Variants in CCNK observed in about 807,000 individuals in gnomAD.
CCNK encodes cyclin-K.
A neutral mutation model predicts 65.0 loss-of-function variants in CCNK; 9 were observed. That is an observed-to-expected ratio of 0.14 (90% CI 0.08 to 0.24). The LOEUF (loss-of-function observed/expected upper bound fraction) is 0.24, where lower values mean the gene tolerates loss of function less well. CCNK is among the 10% of genes least tolerant of loss of function. CCNK has a pLI of 1.00. For missense variants in CCNK, 474 were observed against 720.0 expected, an observed-to-expected ratio of 0.66 and a Z score of 3.91; for synonymous variants, 279 against 270.8, an observed-to-expected ratio of 1.03 and a Z score of -0.30.
intron 1 of CCNK, among the ~76,000 whole-genome samples, chr14:99,482,948 T>C (rs1443253104): frequency 1.3e-5 from 2 of 152,232 alleles, no homozygotes; most frequent in African/African-American, 4.8e-5. Context: ...GGAATTAAAT[T>C]CAAGGTAATT....
At chr14:99,482,186 G>A (rs1045743255) in intron 1 of CCNK, among the ~76,000 whole-genome samples, 3 of 152,228 alleles carry the variant, frequency 2.0e-5, no homozygotes, top group African/African-American at 7.2e-5. Flanking sequence ...CTTTCGCTAA[G>A]TCATCTGAGG....
chr14:99,493,756 T>A (rs1046324403), intron 3 of CCNK, among the ~76,000 whole-genome samples, 161 bp downstream of exon 3: 1 of 152,248 alleles, frequency 6.6e-6, no homozygotes, highest in African/African-American at 2.4e-5. Context: ...GAACTTTTTT[T>A]ATTCCAATTA....
intron 1 of CCNK, among the ~76,000 whole-genome samples, chr14:99,483,150 C>G (rs575161466): frequency 6.6e-6 from 1 of 152,148 alleles, no homozygotes; most frequent in South Asian, 2.1e-4. Context: ...CTACTAGGAA[C>G]CTATTAATAA....
At position 99,503,237 on chromosome 14, in the gene CCNK, T is replaced by C. The variant is rs1896884800; in HGVS notation, c.1011+253T>C. 8 of 659,144 alleles carry C rather than the reference T, an allele frequency of 1.2e-5. No homozygotes were observed. The Admixed American group carries it at 1.6e-4, about 13-fold the overall frequency. 40.8% of individuals were successfully genotyped at this position (659,144 alleles called of 1,614,324 possible). A position where few individuals can be genotyped will look rare whatever the true frequency, so the allele number is the denominator to read the frequency against. ...CTGCCTGTTTCATCCCTGCCAGGGTTCTGAAGCCTGTCGGTGTCGTTGCCG... is the reference window on the plus strand; with the variant it reads ...CTGCCTGTTTCATCCCTGCCAGGGTCCTGAAGCCTGTCGGTGTCGTTGCCG... On this transcript the variant is annotated intron_variant, in intron 8 of 10. Transcript: ENST00000389879.
At chr14:99,486,457 CT>C (rs1896487773) in intron 1 of CCNK, among the ~76,000 whole-genome samples, 1 of 152,232 alleles carries the variant, frequency 6.6e-6, no homozygotes, top group African/African-American at 2.4e-5. Context: ...GTCAACATGA[CT>C]TTATAGTTAT....
Position 99,510,708 on chromosome 14 carries a change from C to T in CCNK, c.1669C>T (p.Pro557Ser). The change falls in exon 11 of 11, where the codon CCT (proline) becomes TCT (serine). Residue 557 changes from proline (P) to serine (S), a missense_variant. This residue lies in a region of CCNK where 53 missense variants were observed against 91.4 expected (regional missense o/e 0.58). Transcript: ENST00000389879. ...PPAVPPGGQP[P>S]VPPPIPPPGM... is the part of the protein sequence containing the mutation. ...TGCCGTCCCCCCTGGAGGACAGCCT[C>T]CTGTGCCCCCGCCCATTCCCCCACC... The T allele has an allele frequency of 7.0e-7, 1 of 1,422,810 alleles. No individual in the cohort carries two copies. The highest frequency in any genetic ancestry group is 9.2e-7 in the Non-Finnish European group (1 of 1,087,314). 88.1% of individuals were successfully genotyped at this position (1,422,810 alleles called of 1,614,324 possible). A position where few individuals can be genotyped will look rare whatever the true frequency, so the allele number is the denominator to read the frequency against.
chr14:99,510,525 C>G lies in CCNK; in HGVS notation c.1486C>G (p.Pro496Ala). ...GCCTCCTCCCCCAGCCTCCTTCCCC[C>G]CACCTGCCATCCCACCCCCTACTCC... ...PVPPPPASFP[P>A]PAIPPPTPGY... Residue 496 changes from proline to alanine, a missense_variant, in exon 11 of 11, where the codon CCA becomes GCA. Coordinates refer to ENST00000389879, the MANE Select transcript of CCNK (RefSeq NM_001099402.2). The G allele has an allele frequency of 1.8e-6, 1 of 570,502 alleles. No homozygotes were observed. Among genetic ancestry groups the G allele is most frequent in the Non-Finnish European group, 2.7e-6 (1 of 365,564 alleles). The allele number at this position is 570,502 out of a possible 1,614,324, so 35.3% of individuals were successfully genotyped here.
chr14:99,502,688 G>A (rs901355751), intron 7 of CCNK, 31 bp from the exon 8 acceptor site: 10 of 1,598,370 alleles, frequency 6.3e-6, no homozygotes, highest in African/African-American at 2.7e-5. Context: ...ATACCAATTT[G>A]TGTAAAATGT....
At chr14:99,481,719 G>C in intron 1 of CCNK, 1 of 379,084 alleles carries the variant, frequency 2.6e-6, no homozygotes, top group Non-Finnish European at 4.7e-6. Flanking sequence ...CCTAGAACTG[G>C]TAGCGGCCCT....
chr14:99,491,576 T>G (rs1241469668), intron 1 of CCNK, among the ~76,000 whole-genome samples: 1 of 117,786 alleles, frequency 8.5e-6, no homozygotes, highest in Non-Finnish European at 2.1e-5. Flanking sequence ...TAGTTCAAGC[T>G]TTTCTCCAGG....
intron 10 of CCNK, 140 bp downstream of exon 10, chr14:99,507,287 T>A: frequency 1.4e-6 from 1 of 710,798 alleles, no homozygotes; most frequent in Non-Finnish European, 2.6e-6. Context: ...TTTGCAAAAT[T>A]GTTCTTGGGC....
intron 1 of CCNK, among the ~76,000 whole-genome samples, chr14:99,486,609 C>T (rs942386772): frequency 8.5e-5 from 13 of 152,174 alleles, no homozygotes; most frequent in Admixed American, 7.2e-4. Context: ...TCTTTTCCTC[C>T]CTCCTTATCA....
intron 4 of CCNK, chr14:99,500,221 A>G (rs1396139025): frequency 6.6e-6 from 1 of 152,370 alleles, no homozygotes; most frequent in Non-Finnish European, 1.5e-5. Flanking sequence ...CAAATAAATG[A>G]AAGATTTAAA....
At chr14:99,496,923 A>T (rs1315682622) in intron 4 of CCNK, among the ~76,000 whole-genome samples, 3 of 58,406 alleles carry the variant, frequency 5.1e-5, no homozygotes, top group African/African-American at 1.7e-4. Context: ...AAGAAAAAAA[A>T]AAAATGCTTT....
At chr14:99,485,260 G>A (rs896670443) in intron 1 of CCNK, among the ~76,000 whole-genome samples, 4 of 152,304 alleles carry the variant, frequency 2.6e-5, no homozygotes, top group African/African-American at 9.6e-5. Context: ...TTATCCGCTT[G>A]TGGACCGAGG....
At chr14:99,503,767 C>A in intron 9 of CCNK, 123 bp downstream of exon 9, 1 of 784,314 alleles carries the variant, frequency 1.3e-6, no homozygotes, top group Non-Finnish European at 2.1e-6. Flanking sequence ...AGAGCTCATA[C>A]AAAACTTTTC....
At chr14:99,485,707 A>G (rs1001118918) in intron 1 of CCNK, among the ~76,000 whole-genome samples, 1 of 152,128 alleles carries the variant, frequency 6.6e-6, no homozygotes, top group Non-Finnish European at 1.5e-5. Context: ...AGAATAACCT[A>G]TTTCCAGCCA....
At chr14:99,504,901 A>T (rs1450901819) in intron 9 of CCNK, 15 of 152,306 alleles carry the variant, frequency 9.8e-5, no homozygotes, top group Non-Finnish European at 5.9e-5. Flanking sequence ...TTGAAGGAAG[A>T]GTTGCATTTG....
intron 1 of CCNK, among the ~76,000 whole-genome samples, chr14:99,484,602 C>T (rs1896437510): frequency 1.3e-5 from 2 of 152,194 alleles, no homozygotes; most frequent in South Asian, 2.1e-4. Flanking sequence ...AGGTAGATTT[C>T]ATTCATGCAT....
Sources: gnomAD v4.1 joint callset for allele counts (sites outside exome capture counted in the v4.1 genomes callset) on GRCh38, gnomAD v4.1.1 for gene constraint, gnomAD v4.1.1 regional missense constraint, MANE v1.5 for transcripts, NCBI Gene and HGNC (gene_info 2026-07-23, HGNC 2026-07-21) for gene names.